GUF1: variants seen among roughly 807,000 people sequenced by gnomAD.
GUF1 encodes GTP binding elongation factor GUF1, also known as translation factor GUF1, mitochondrial.
GUF1 carries 78 observed loss-of-function variants against 82.4 expected under a neutral mutation model. That is an observed-to-expected ratio of 0.95 (90% CI 0.79 to 1.14). The LOEUF (loss-of-function observed/expected upper bound fraction) is 1.14. GUF1 is among the 50% of genes most tolerant of loss of function. The pLI, the probability that GUF1 is intolerant of heterozygous loss-of-function variation, is 0.00. For missense variants in GUF1, 814 were observed against 798.2 expected (o/e 1.02, Z -0.24); for synonymous variants, 279 against 282.3 (o/e 0.99, Z 0.12).
intron 14 of GUF1, among the ~76,000 whole-genome samples, chr4:44,695,272 A>G (rs1446377221): frequency 6.6e-6 from 1 of 152,252 alleles, no homozygotes; most frequent in African/African-American, 2.4e-5. Context: ...GGTAGAATAT[A>G]TCGTAAACAC....
At chr4:44,690,667 A>T in intron 11 of GUF1, 50 bp from the exon 12 acceptor site, 1 of 1,086,010 alleles carries the variant, frequency 9.2e-7, no homozygotes, top group East Asian at 2.6e-5. Context: ...AAGAAAAATG[A>T]TAATCATTAT....
At chr4:44,678,842 A>AT in intron 1 of GUF1, 55 bp downstream of exon 1, 1 of 1,503,652 alleles carries the variant, frequency 6.7e-7, no homozygotes, top group South Asian at 1.3e-5. Context: ...GGAGTGCCCC[A>AT]TGCGATCTTG....
chr4:44,694,819 T>TC (rs938837012), intron 14 of GUF1, among the ~76,000 whole-genome samples: 1 of 152,144 alleles, frequency 6.6e-6, no homozygotes, highest in East Asian at 1.9e-4. Context: ...TGTTTTGTTT[T>TC]TTTTTTAGAT....
At chr4:44,694,171 C>T in intron 13 of GUF1, 2 of 398,310 alleles carry the variant, frequency 5.0e-6, no homozygotes, top group South Asian at 2.9e-5. Context: ...TCAGGTTCAC[C>T]AGCTTATTTT....
chr4:44,699,752 A>AT lies in GUF1; in HGVS notation c.*1075dup, dbSNP rs1716102704. ...CTAGTTAATGATAAAATGTTTATAG[A>AT]TTTTATCAGGTGGTTAGTTTGAAAC... On this transcript the variant is annotated 3_prime_UTR_variant, in exon 17 of 17. Transcript: ENST00000281543. The AT allele has an allele frequency of 6.6e-6, 1 of 152,230 alleles. No homozygotes were observed. Among genetic ancestry groups the AT allele is most frequent in the Non-Finnish European group, 1.5e-5 (1 of 68,038 alleles). The allele number at this position is 152,230 out of a possible 1,614,324, so 9.4% of individuals were successfully genotyped here. A position where few individuals can be genotyped will look rare whatever the true frequency, so the allele number is the denominator to read the frequency against.
chr4:44,680,624 A>C (rs1714709225), intron 2 of GUF1, 70 bp from the exon 3 acceptor site: 1 of 1,435,402 alleles, frequency 7.0e-7, no homozygotes. Context: ...CTTAAATTTT[A>C]ATTTTATAAG....
Position 44,678,756 on chromosome 4 carries a change from C to G in GUF1, c.134C>G (p.Thr45Ser). ...TLGAAPESWATDRLYSSAEFK... is the reference protein window; with the variant it reads ...TLGAAPESWASDRLYSSAEFK... ...GGGGCTGCTCCAGAGTCCTGGGCTA[C>G]CGACAGGCTCTACAGCTCCGCAGAA... Residue 45 changes from threonine (T) to serine (S), a missense_variant, in exon 1 of 17, where the codon ACC (threonine) becomes AGC (serine). Physicochemically the swap from Thr to Ser is moderately conservative, Grantham distance 58. Coordinates refer to ENST00000281543, the MANE Select transcript of GUF1 (RefSeq NM_021927.3). The G allele has an allele frequency of 6.4e-7, 1 of 1,551,662 alleles. No homozygotes were observed. The highest frequency in any genetic ancestry group is 2.1e-5 in the Admixed American group (1 of 47,834).
chr4:44,686,000 G>C lies in GUF1; in HGVS notation c.711G>C (p.Gln237His), dbSNP rs1487356020. 1 of 1,606,372 alleles carries C rather than the reference G, an allele frequency of 6.2e-7. No individual in the cohort carries two copies. The highest frequency in any genetic ancestry group is 1.7e-5 in the Admixed American group (1 of 59,894). The change falls in exon 7 of 17, where the codon CAG becomes CAC. Residue 237 changes from glutamine (Q) to histidine (H), a missense_variant. Coordinates refer to ENST00000281543, the MANE Select transcript of GUF1 (RefSeq NM_021927.3). ...KLGTNVESVL[Q>H]AIIERIPPPK... ...GAACAAATGTTGAGAGTGTTCTTCAGGCAATTATTGAAAGAATCCCCCCGT... is the reference window on the plus strand; with the variant it reads ...GAACAAATGTTGAGAGTGTTCTTCACGCAATTATTGAAAGAATCCCCCCGT...
At chr4:44,680,584 G>A in intron 2 of GUF1, 32 bp downstream of exon 2, 1 of 1,484,974 alleles carries the variant, frequency 6.7e-7, no homozygotes, top group Middle Eastern at 1.8e-4. Flanking sequence ...CTTAACTGAT[G>A]GCTGCGAGTT....
At position 44,689,892 on chromosome 4, in the gene GUF1, G is replaced by A. The variant is rs747187423; in HGVS notation, c.1252G>A (p.Glu418Lys). The A allele has an allele frequency of 9.3e-6, 15 of 1,605,780 alleles. No individual in the cohort carries two copies. Among genetic ancestry groups the A allele is most frequent in the African/African-American group, 1.3e-5 (1 of 74,562 alleles). The change falls in exon 11 of 17, where the codon GAG (glutamate) becomes AAG (lysine). Residue 418 changes from glutamate (E) to lysine (K), a missense_variant. Transcript: ENST00000281543. Reference sequence around the variant, plus strand: ...CATGGAAGTTTTCAACCAGCGACTGGAGCAAGAATATAATGCTTCTGTTAT... The same window carrying A: ...CATGGAAGTTTTCAACCAGCGACTGAAGCAAGAATATAATGCTTCTGTTAT... ...LHMEVFNQRL[E>K]QEYNASVILT...
intron 4 of GUF1, 149 bp downstream of exon 4, chr4:44,681,352 C>G: frequency 1.7e-6 from 1 of 595,852 alleles, no homozygotes; most frequent in Non-Finnish European, 3.0e-6. Flanking sequence ...ATGGTTTCAT[C>G]CTGTTAATCT....
Position 44,691,810 on chromosome 4 carries a change from A to G in GUF1, c.1613+11A>G, listed in dbSNP as rs1255413605. On this transcript the variant is annotated intron_variant, in intron 13 of 16. Transcript: ENST00000281543. ...TTCTGGATATGCTAGGTAAAAAAAT[A>G]ATGAGAACCTAAGATGCCTGACCAA... 1 of 1,572,736 alleles carries G rather than the reference A, an allele frequency of 6.4e-7. No homozygotes were observed. The highest frequency in any genetic ancestry group is 1.2e-5 in the South Asian group (1 of 85,130).
chr4:44,686,894 T>C (rs1359754377), intron 8 of GUF1, among the ~76,000 whole-genome samples, 181 bp downstream of exon 8: 1 of 151,974 alleles, frequency 6.6e-6, no homozygotes, highest in Admixed American at 6.6e-5. Context: ...GAAACGTCAG[T>C]TGATACTTTT....
In GUF1 at chr4:44,680,734, T is replaced by C. The variant is rs1714720096; in HGVS notation, c.318T>C (p.Asp106=). ...CAAAGAATAATAAGCAGGTTCTTGA[T>C]AAATTGCAAGTGGAACGAGAAAGAG... is the stretch of plus-strand genomic sequence containing the variant. The part of the protein sequence containing the change: ...DKTKNNKQVL[D]KLQVERERGI... The change falls in exon 3 of 17, where the codon GAT becomes GAC. Residue 106 remains aspartate (D), a synonymous_variant. Coordinates refer to ENST00000281543, the MANE Select transcript of GUF1 (RefSeq NM_021927.3). 6.2e-7 allele frequency: 1 copy of C among 1,610,740 alleles called. No individual in the cohort carries two copies. The highest frequency in any genetic ancestry group is 8.5e-7 in the Non-Finnish European group (1 of 1,177,758).
chr4:44,700,206 T>G lies in GUF1; in HGVS notation c.*1525T>G, dbSNP rs373361098. The G allele has an allele frequency of 6.6e-6, 1 of 152,204 alleles. No individual in the cohort carries two copies. Among genetic ancestry groups the G allele is most frequent in the African/African-American group, 2.4e-5 (1 of 41,454 alleles). 9.4% of individuals were successfully genotyped at this position (152,204 alleles called of 1,614,324 possible). On this transcript the variant is annotated 3_prime_UTR_variant, in exon 17 of 17. Transcript: ENST00000281543. ...AAAGGGAAGTCAAGCTGGGAACTGATTGAGGCAAACCTGCCTCCCATTTTA... is the reference window on the plus strand; with the variant it reads ...AAAGGGAAGTCAAGCTGGGAACTGAGTGAGGCAAACCTGCCTCCCATTTTA...
At chr4:44,686,262 A>G (rs1040830948) in intron 7 of GUF1, among the ~76,000 whole-genome samples, 1 of 152,074 alleles carries the variant, frequency 6.6e-6, no homozygotes, top group African/African-American at 2.4e-5. Flanking sequence ...GACAATCATT[A>G]TAAAATATAC....
chr4:44,684,994 C>T (rs1714968459), intron 6 of GUF1, among the ~76,000 whole-genome samples: 1 of 152,034 alleles, frequency 6.6e-6, no homozygotes, highest in Admixed American at 6.6e-5. Context: ...TGTCAGCTGC[C>T]TCTAATAAGA....
At chr4:44,685,814 C>G in intron 6 of GUF1, 145 bp from the exon 7 acceptor site, 1 of 565,542 alleles carries the variant, frequency 1.8e-6, no homozygotes, top group South Asian at 2.1e-5. Context: ...ATACTGTTTG[C>G]TTTGTTCTTT....
At chr4:44,689,210 G>A in intron 9 of GUF1, 76 bp from the exon 10 acceptor site, 3 of 1,279,600 alleles carry the variant, frequency 2.3e-6, no homozygotes, top group Non-Finnish European at 3.0e-6. Context: ...TTTGGAACTT[G>A]GCAGCACTAC....
Sources: gnomAD v4.1 joint callset for allele counts (sites outside exome capture counted in the v4.1 genomes callset) on GRCh38, gnomAD v4.1.1 for gene constraint, MANE v1.5 for transcripts, NCBI Gene and HGNC (gene_info 2026-07-23, HGNC 2026-07-21) for gene names.